LRRC53: variants seen among roughly 807,000 people sequenced by gnomAD.
LRRC53 encodes the protein leucine-rich repeat-containing protein 53.
Under a neutral mutation model 13.6 loss-of-function variants are expected in LRRC53, and 25 were observed. That is an observed-to-expected ratio of 1.83 (90% CI 1.34 to 2.56). LRRC53 has a LOEUF of 2.56. LRRC53 is among the 30% of genes most tolerant of loss of function. The pLI is 0.00. For synonymous variants in LRRC53, 204 were observed against 109.8 expected, an observed-to-expected ratio of 1.86 and a Z score of -5.37; for missense variants, 527 against 275.8, an observed-to-expected ratio of 1.91 and a Z score of -6.45.
chr1:74,494,419 A>G (rs1669227870), intron 1 of LRRC53, among the ~76,000 whole-genome samples: 1 of 152,194 alleles, frequency 6.6e-6, no homozygotes, highest in African/African-American at 2.4e-5. Context: ...GAAATTAAGT[A>G]TTAGTAGGTT....
chr1:74,533,739 A>G, the LRRC53 span, among the ~76,000 whole-genome samples: 1 of 151,398 alleles, frequency 6.6e-6, no homozygotes, highest in African/African-American at 2.4e-5. Context: ...GCCATAAAAA[A>G]TGATGAGTTC....
the LRRC53 span, among the ~76,000 whole-genome samples, chr1:74,524,385 T>C: frequency 1.1e-4 from 17 of 152,184 alleles, no homozygotes; most frequent in Admixed American, 1.1e-3. Flanking sequence ...CCTGACACTG[T>C]GCGGACTCCA....
intron 1 of LRRC53, among the ~76,000 whole-genome samples, chr1:74,490,292 G>T (rs892015276): frequency 1.3e-5 from 2 of 152,122 alleles, no homozygotes; most frequent in African/African-American, 4.8e-5. Flanking sequence ...ATATTTGGTG[G>T]GGCTTCAGCA....
intron 1 of LRRC53, among the ~76,000 whole-genome samples, chr1:74,511,055 T>C (rs562318883): frequency 2.0e-5 from 3 of 152,116 alleles, no homozygotes; most frequent in East Asian, 1.9e-4. Flanking sequence ...GCCCAGCTAA[T>C]GTTTGTATCT....
At chr1:74,488,204 C>A (rs1668865985) in intron 1 of LRRC53, among the ~76,000 whole-genome samples, 1 of 152,082 alleles carries the variant, frequency 6.6e-6, no homozygotes, top group African/African-American at 2.4e-5. Flanking sequence ...GAGGAGAAAC[C>A]ATTTGGAAGT....
At chr1:74,500,356 C>A (rs1426402510) in intron 1 of LRRC53, among the ~76,000 whole-genome samples, 1 of 151,618 alleles carries the variant, frequency 6.6e-6, no homozygotes, top group Non-Finnish European at 1.5e-5. Flanking sequence ...ATTATTTAAG[C>A]CTTGGGAGGC....
the LRRC53 span, among the ~76,000 whole-genome samples, chr1:74,526,497 G>T: frequency 1.7e-4 from 26 of 152,142 alleles, no homozygotes; most frequent in Middle Eastern, 3.2e-3. Flanking sequence ...GGCCAAGTTA[G>T]TTGAGCTCTC....
chr1:74,485,699 C>G (rs1668722739), intron 1 of LRRC53, among the ~76,000 whole-genome samples: 1 of 152,176 alleles, frequency 6.6e-6, no homozygotes, highest in Non-Finnish European at 1.5e-5. Context: ...AGTTTTACAG[C>G]TGGTCACAGA....
chr1:74,504,781 G>C (rs1218044734), intron 1 of LRRC53, among the ~76,000 whole-genome samples: 1 of 152,072 alleles, frequency 6.6e-6, no homozygotes, highest in Non-Finnish European at 1.5e-5. Flanking sequence ...TTCTGATGCT[G>C]TAATTTCGTG....
the LRRC53 span, among the ~76,000 whole-genome samples, chr1:74,521,908 C>T: frequency 6.6e-6 from 1 of 152,132 alleles, no homozygotes; most frequent in Non-Finnish European, 1.5e-5. Flanking sequence ...TGAATCATAA[C>T]TACTCAAAAG....
At chr1:74,511,665 C>T (rs1211457434) in intron 1 of LRRC53, among the ~76,000 whole-genome samples, 1 of 151,986 alleles carries the variant, frequency 6.6e-6, no homozygotes, top group East Asian at 1.9e-4. Context: ...GGGGAATTCA[C>T]AGTTTAAGGG....
chr1:74,503,190 A>G lies in LRRC53; in HGVS notation c.-27+9336T>C, dbSNP rs534674006. Among the ~76,000 whole-genome samples, 3 of 152,330 alleles carry G rather than the reference A, an allele frequency of 2.0e-5. No homozygotes were observed. In the South Asian group the frequency reaches 6.2e-4, roughly 32 times the overall value. On this transcript the variant is annotated intron_variant, in intron 1 of 4. Transcript: ENST00000294635. ...ATTGACTTTCTGGTGATGAAAGTCC[A>G]AGAGTTTTTCAGGGCCAGAAATGAA... is the stretch of plus-strand genomic sequence containing the variant.
At chr1:74,476,632 G>A (rs1380454807) in intron 3 of LRRC53, among the ~76,000 whole-genome samples, 1 of 152,004 alleles carries the variant, frequency 6.6e-6, no homozygotes, top group Non-Finnish European at 1.5e-5. Flanking sequence ...TGAAATCATT[G>A]GTGATCTAAT....
chr1:74,477,771 G>A (rs1668278238), intron 3 of LRRC53, among the ~76,000 whole-genome samples: 1 of 152,164 alleles, frequency 6.6e-6, no homozygotes, highest in African/African-American at 2.4e-5. Flanking sequence ...GAAGCTTGTA[G>A]GCAGGCGGAA....
At chr1:74,496,139 G>T (rs1214694101) in intron 1 of LRRC53, among the ~76,000 whole-genome samples, 1 of 152,142 alleles carries the variant, frequency 6.6e-6, no homozygotes, top group Non-Finnish European at 1.5e-5. Context: ...AGTTCCCCAG[G>T]TGATTCCAAT....
At chr1:74,505,721 C>T (rs1488523693) in intron 1 of LRRC53, among the ~76,000 whole-genome samples, 2 of 152,088 alleles carry the variant, frequency 1.3e-5, no homozygotes, top group East Asian at 3.9e-4. Context: ...TCCTTGGAAC[C>T]TATGAGATGG....
chr1:74,512,910 C>G (rs1390000433), upstream of LRRC53, among the ~76,000 whole-genome samples: 2 of 152,204 alleles, frequency 1.3e-5, no homozygotes, highest in East Asian at 3.8e-4. Context: ...ATGTGATCAC[C>G]TAAAGCTGGC....
chr1:74,521,476 C>A, the LRRC53 span, among the ~76,000 whole-genome samples: 1 of 114,052 alleles, frequency 8.8e-6, no homozygotes, highest in Non-Finnish European at 2.1e-5. Flanking sequence ...ATCTCTCTCA[C>A]ACACACACAC....
chr1:74,475,837 A>T, intron 3 of LRRC53, 27 bp from the exon 4 acceptor site: 1 of 550,374 alleles, frequency 1.8e-6, no homozygotes, highest in Non-Finnish European at 3.3e-6. Flanking sequence ...GACCATTAAA[A>T]GATAACATCT....
Sources: allele counts gnomAD v4.1 joint callset (sites outside exome capture counted in the v4.1 genomes callset), GRCh38; gene constraint gnomAD v4.1.1; transcripts MANE v1.5; gene names NCBI Gene and HGNC (gene_info 2026-07-23, HGNC 2026-07-21).